Variants in FER1L5 observed in about 807,000 individuals in gnomAD.
FER1L5 encodes the protein fer-1 like family member 5.
A neutral mutation model predicts 279.9 loss-of-function variants in FER1L5; 187 were observed. The observed-to-expected ratio is 0.67, with a 90% CI of 0.59 to 0.75. The LOEUF (loss-of-function observed/expected upper bound fraction) is 0.75. Among genes scored for constraint, FER1L5 ranks in the 30% least tolerant of loss-of-function variants. The pLI, the probability that FER1L5 is intolerant of heterozygous loss-of-function variation, is 0.00. For synonymous variants in FER1L5, 921 were observed against 989.7 expected (o/e 0.93, Z 1.30); for missense variants, 2,091 against 2,594.4 (o/e 0.81, Z 4.21).
At chr2:96,659,719 C>T (rs968315586) in intron 9 of FER1L5, among the ~76,000 whole-genome samples, 1 of 151,560 alleles carries the variant, frequency 6.6e-6, no homozygotes, top group Non-Finnish European at 1.5e-5. Flanking sequence ...TCTCGATCTC[C>T]TGACCTCTTG....
chr2:96,688,118 G>A (rs1558904999), intron 24 of FER1L5, among the ~76,000 whole-genome samples, 171 bp downstream of exon 24: 1 of 152,290 alleles, frequency 6.6e-6, no homozygotes, highest in East Asian at 1.9e-4. Context: ...CGAAACTGAG[G>A]GCTAGGAGAT....
Position 96,642,844 on chromosome 2 carries a change from G to A in FER1L5, c.8G>A (p.Arg3Gln), listed in dbSNP as rs1045849700. ...AGAAAGTAGGTCTCCGAGATGCTGC[G>A]GCTTGTGGTGCAGTCGGCCAAGATT... is the stretch of plus-strand genomic sequence containing the variant. Reference protein sequence around the residue: MLRLVVQSAKIDP... With the variant: MLQLVVQSAKIDP... The change falls in exon 1 of 53, where the codon CGG becomes CAG. Residue 3 changes from arginine to glutamine, a missense_variant. Physicochemically the swap from Arg to Gln is conservative, Grantham distance 43 (BLOSUM62 1). Coordinates refer to ENST00000624922, the MANE Select transcript of FER1L5 (RefSeq NM_001293083.2). 6.4e-7 allele frequency: 1 copy of A among 1,550,660 alleles called. No individual in the cohort carries two copies. The highest frequency in any genetic ancestry group is 1.2e-5 in the South Asian group (1 of 83,912).
At chr2:96,659,446 T>G (rs1187017402) in intron 9 of FER1L5, among the ~76,000 whole-genome samples, 1 of 32,520 alleles carries the variant, frequency 3.1e-5, no homozygotes, top group East Asian at 7.5e-4. Context: ...TCTTTCTTTC[T>G]TTCTTTCTTT....
At chr2:96,696,199 C>A in intron 37 of FER1L5, 122 bp downstream of exon 37, 1 of 1,247,546 alleles carries the variant, frequency 8.0e-7, no homozygotes, top group Non-Finnish European at 1.1e-6. Context: ...GCCCACCTCG[C>A]TCTGTAGGGT....
chr2:96,657,228 C>T (rs570740785), intron 9 of FER1L5, among the ~76,000 whole-genome samples: 1 of 152,004 alleles, frequency 6.6e-6, no homozygotes, highest in East Asian at 1.9e-4. Flanking sequence ...GCACGTGCCA[C>T]CATGCCCAGC....
chr2:96,696,164 C>A (rs1178155867), intron 37 of FER1L5, 87 bp downstream of exon 37: 2 of 1,556,960 alleles, frequency 1.3e-6, no homozygotes, highest in Admixed American at 1.8e-5. Context: ...ATTAAACAGT[C>A]TGGATACCCG....
At chr2:96,659,137 G>A (rs1573812167) in intron 9 of FER1L5, among the ~76,000 whole-genome samples, 1 of 151,450 alleles carries the variant, frequency 6.6e-6, no homozygotes, top group East Asian at 1.9e-4. Context: ...ATTTCACCGT[G>A]TTAGCCAGGA....
rs1370035908 is a variant in FER1L5, at chr2:96,659,459, TTC to T, written c.748-880_748-879del. On this transcript the variant is annotated intron_variant, in intron 9 of 52. Transcript: ENST00000624922. ...TTTCTTTCTTTCTTTCTTTCTTTCT[TTC>T]TTTCTTTCTTTCTTTCTTTCTTTCT... Among the ~76,000 whole-genome samples, 5 of 27,884 alleles carry T rather than the reference TTC, an allele frequency of 1.8e-4. 1 individual carries two copies. The highest frequency in any genetic ancestry group is 2.1e-3 in the South Asian group (1 of 470). The allele number at this position is 27,884 out of a possible 152,430, so 18.3% of individuals were successfully genotyped here.
At position 96,690,225 on chromosome 2, in the gene FER1L5, G is replaced by A. The variant is rs540181513; in HGVS notation, c.2641-262G>A. On this transcript the variant is annotated intron_variant, in intron 26 of 52. Transcript: ENST00000624922. ...AGGCGGCTGGTGGCTACTGTATTGGGTAGTGTGGGTTTAACTGATCTCAAA... is the reference window on the plus strand; with the variant it reads ...AGGCGGCTGGTGGCTACTGTATTGGATAGTGTGGGTTTAACTGATCTCAAA... Among the ~76,000 whole-genome samples the A allele has an allele frequency of 1.6e-3, 244 of 152,310 alleles. 1 individual carries two copies. Among genetic ancestry groups the A allele is most frequent in the Non-Finnish European group, 2.6e-3 (178 of 68,022 alleles).
In FER1L5 at chr2:96,695,910, G is replaced by C; in HGVS notation, c.4057+6G>C. 6.2e-7 allele frequency: 1 copy of C among 1,613,092 alleles called. No individual in the cohort carries two copies. Among genetic ancestry groups the C allele is most frequent in the Non-Finnish European group, 8.5e-7 (1 of 1,179,622 alleles). On this transcript the variant is annotated splice_donor_region_variant and intron_variant, in intron 36 of 52. Coordinates refer to ENST00000624922, the MANE Select transcript of FER1L5 (RefSeq NM_001293083.2). ...TATGCACCCAAAGCTTCCAAGTACG[G>C]CCCTTCCTCCGTGCCTTTCCCCAGG... is the stretch of plus-strand genomic sequence containing the variant.
chr2:96,699,648 C>T lies in FER1L5; in HGVS notation c.4709C>T (p.Thr1570Ile). 6.2e-7 allele frequency: 1 copy of T among 1,614,048 alleles called. No homozygotes were observed. The highest frequency in any genetic ancestry group is 8.5e-7 in the Non-Finnish European group (1 of 1,179,898). ...TCACCTGATGATAAGATAGGAACCACAGTCATCGACCTTGAAAACCGACTC... is the reference window on the plus strand; with the variant it reads ...TCACCTGATGATAAGATAGGAACCATAGTCATCGACCTTGAAAACCGACTC... ...LFSPDDKIGT[T>I]VIDLENRLLS... is the part of the protein sequence containing the mutation. Residue 1570 changes from threonine (T) to isoleucine (I), a missense_variant, in exon 43 of 53, where the codon ACA (threonine) becomes ATA (isoleucine). Physicochemically the swap from Thr to Ile is moderately conservative, Grantham distance 89. Transcript: ENST00000624922.
At position 96,697,644 on chromosome 2, in the gene FER1L5, T is replaced by A; in HGVS notation, c.4135-16T>A. ...CTGCCCCTGCCCGAGGCCAGAATGATCCTCTTCTCTGCCAGGATGAGTATG... is the reference window on the plus strand; with the variant it reads ...CTGCCCCTGCCCGAGGCCAGAATGAACCTCTTCTCTGCCAGGATGAGTATG... On this transcript the variant is annotated splice_polypyrimidine_tract_variant and intron_variant, in intron 38 of 52. Coordinates refer to ENST00000624922, the MANE Select transcript of FER1L5 (RefSeq NM_001293083.2). 1 of 1,613,968 alleles carries A rather than the reference T, an allele frequency of 6.2e-7. No individual in the cohort carries two copies. Among genetic ancestry groups the A allele is most frequent in the Non-Finnish European group, 8.5e-7 (1 of 1,179,864 alleles).
chr2:96,695,452 C>T (rs776607037), intron 34 of FER1L5, 57 bp from the exon 35 acceptor site: 23 of 1,514,692 alleles, frequency 1.5e-5, no homozygotes, highest in Non-Finnish European at 1.9e-5. Context: ...CTGGCCAGGA[C>T]CCCATTACAG....
chr2:96,690,463 C>G, intron 26 of FER1L5, 24 bp from the exon 27 acceptor site: 1 of 1,549,342 alleles, frequency 6.5e-7, no homozygotes, highest in Non-Finnish European at 8.7e-7. Flanking sequence ...GTGCCCCTCG[C>G]TCGCCCTCTC....
intron 4 of FER1L5, 102 bp downstream of exon 4, chr2:96,647,988 A>C: frequency 1.2e-6 from 1 of 822,610 alleles, no homozygotes; most frequent in Non-Finnish European, 2.0e-6. Context: ...GGGGGGCCCC[A>C]TCACACTGCC....
At position 96,698,795 on chromosome 2, in the gene FER1L5, G is replaced by A. The variant is rs1344775157; in HGVS notation, c.4481G>A (p.Arg1494Gln). 9.6e-6 allele frequency: 15 copies of A among 1,565,726 alleles called. No individual in the cohort carries two copies. Among genetic ancestry groups the A allele is most frequent in the Non-Finnish European group, 9.5e-6 (11 of 1,155,624 alleles). The change falls in exon 41 of 53, where the codon CGA (arginine) becomes CAA (glutamine). Residue 1494 changes from arginine to glutamine, a missense_variant. Transcript: ENST00000624922. The surrounding 1 kb of genome is among the most constrained non-coding windows in gnomAD (Gnocchi z 5.5). The part of the protein sequence containing the change: ...QPCLVRVYMV[R>Q]AINLQPQDYN... ...TGCTTGGTGCGGGTGTACATGGTAC[G>A]AGCCATCAACCTGCAGCCCCAGGAC...
At chr2:96,674,126 C>T (rs1198135327) in intron 19 of FER1L5, among the ~76,000 whole-genome samples, 1 of 152,220 alleles carries the variant, frequency 6.6e-6, no homozygotes, top group African/African-American at 2.4e-5. Flanking sequence ...TAGAACATTT[C>T]CTCATCCGGA....
At chr2:96,644,132 A>G (rs1469429969) in intron 1 of FER1L5, among the ~76,000 whole-genome samples, 1 of 148,674 alleles carries the variant, frequency 6.7e-6, no homozygotes. Context: ...AGATCGTACC[A>G]CAGCACTCCA....
At chr2:96,646,936 C>A in intron 2 of FER1L5, 128 bp from the exon 3 acceptor site, 1 of 952,444 alleles carries the variant, frequency 1.0e-6, no homozygotes, top group Non-Finnish European at 1.5e-6. Context: ...GGAAATTAGA[C>A]ATGAGGGAGG....
Sources: gnomAD v4.1 joint callset for allele counts (sites outside exome capture counted in the v4.1 genomes callset) on GRCh38, gnomAD v4.1.1 for gene constraint, Gnocchi (gnomAD v3.1) non-coding constraint, MANE v1.5 for transcripts, NCBI Gene and HGNC (gene_info 2026-07-23, HGNC 2026-07-21) for gene names.